The following IL1RAPL1 variants were observed in gnomAD, a reference collection of about 807,000 sequenced individuals.
The protein encoded by IL1RAPL1 is interleukin 1 receptor accessory protein like 1.
A neutral mutation model predicts 48.4 loss-of-function variants in IL1RAPL1; 3 were observed. The ratio of observed to expected loss-of-function variants is 0.06; its 90% CI spans 0.03 to 0.16. The LOEUF is 0.16. IL1RAPL1 is among the 10% of genes least tolerant of loss of function. The pLI, the probability that IL1RAPL1 is intolerant of heterozygous loss-of-function variation, is 1.00. For synonymous variants in IL1RAPL1, 185 were observed against 187.7 expected (o/e 0.99, Z 0.12); for missense variants, 349 against 530.6 (o/e 0.66, Z 3.36).
chrX:29,487,562 G>T (rs1486416820), intron 5 of IL1RAPL1, among the ~76,000 whole-genome samples: 1 of 112,073 alleles, frequency 8.9e-6, no homozygotes, highest in Non-Finnish European at 1.9e-5. Context: ...GATACAAGCT[G>T]TTTGCAACCG....
chrX:29,482,942 G>A (rs1280467695), intron 5 of IL1RAPL1, among the ~76,000 whole-genome samples: 1 of 112,030 alleles, frequency 8.9e-6, no homozygotes, highest in African/African-American at 3.2e-5. Flanking sequence ...GGGTATTTGT[G>A]TTTACGTTAG....
At chrX:29,694,319 T>C (rs918647592) in intron 6 of IL1RAPL1, among the ~76,000 whole-genome samples, 49 of 112,105 alleles carry the variant, frequency 4.4e-4, no homozygotes, top group African/African-American at 1.4e-3. Flanking sequence ...TTTTATCCTT[T>C]ATTGTTAGAG....
chrX:29,063,855 G>C (rs947108618), intron 2 of IL1RAPL1, among the ~76,000 whole-genome samples: 1 of 112,074 alleles, frequency 8.9e-6, no homozygotes, highest in Non-Finnish European at 1.9e-5. Flanking sequence ...TATTTTAACA[G>C]GTAGTTGGAC....
chrX:28,916,567 G>A (rs766179270), intron 2 of IL1RAPL1, among the ~76,000 whole-genome samples: 2 of 112,411 alleles, frequency 1.8e-5, no homozygotes, highest in African/African-American at 6.5e-5. Context: ...TGCTAGAATT[G>A]TGTGTTTGAA....
intron 1 of IL1RAPL1, among the ~76,000 whole-genome samples, chrX:28,626,025 G>A (rs1402954641): frequency 9.0e-6 from 1 of 111,578 alleles, no homozygotes; most frequent in African/African-American, 3.3e-5. Context: ...CCATTCCATG[G>A]GGAAACATAC....
intron 5 of IL1RAPL1, among the ~76,000 whole-genome samples, chrX:29,573,812 C>G (rs1242668345): frequency 8.9e-6 from 1 of 111,746 alleles, no homozygotes; most frequent in African/African-American, 3.3e-5. Flanking sequence ...CTCTATTATC[C>G]TAGAAACTAG....
intron 2 of IL1RAPL1, among the ~76,000 whole-genome samples, chrX:29,091,107 A>G (rs1190938107): frequency 8.9e-6 from 1 of 112,459 alleles, no homozygotes; most frequent in African/African-American, 3.2e-5. Flanking sequence ...ATATAAACTT[A>G]TTAATGAACT....
intron 3 of IL1RAPL1, among the ~76,000 whole-genome samples, chrX:29,358,382 T>C (rs1040412663): frequency 4.5e-5 from 5 of 110,586 alleles, no homozygotes; most frequent in African/African-American, 9.9e-5. Flanking sequence ...TCTCTATCTC[T>C]GTCTCTGTCT....
Position 28,642,228 on chromosome X carries a change from C to T in IL1RAPL1, c.-25+54181C>T, listed in dbSNP as rs1934553618. Among the ~76,000 whole-genome samples, 5 of 110,944 alleles carry T rather than the reference C, an allele frequency of 4.5e-5. No individual in the cohort carries two copies. In the South Asian group the frequency reaches 1.2e-3, roughly 26 times the overall value. ...AATAGTAGTGGGAGACTTTAACACC[C>T]CACTGTCAATATTAGACAGATCATC... On this transcript the variant is annotated intron_variant, in intron 1 of 10. Coordinates refer to ENST00000378993, the MANE Select transcript of IL1RAPL1 (RefSeq NM_014271.4).
chrX:29,215,551 A>G (rs1195918803), intron 2 of IL1RAPL1, among the ~76,000 whole-genome samples: 1 of 111,040 alleles, frequency 9.0e-6, no homozygotes, highest in Non-Finnish European at 1.9e-5. Flanking sequence ...CATCCCATAA[A>G]GTATAGAGAG....
At chrX:28,986,384 A>C (rs1250399169) in intron 2 of IL1RAPL1, among the ~76,000 whole-genome samples, 1 of 112,487 alleles carries the variant, frequency 8.9e-6, no homozygotes, top group Non-Finnish European at 1.9e-5. Context: ...TTTCCCCAAA[A>C]GTGTTATTTC....
At chrX:29,144,743 T>C (rs1315855966) in intron 2 of IL1RAPL1, among the ~76,000 whole-genome samples, 1 of 107,133 alleles carries the variant, frequency 9.3e-6, no homozygotes, top group Non-Finnish European at 1.9e-5. Context: ...TTTTTTTTTT[T>C]TGAGATGGAG....
At chrX:29,023,032 A>G (rs1210793864) in intron 2 of IL1RAPL1, among the ~76,000 whole-genome samples, 1 of 112,222 alleles carries the variant, frequency 8.9e-6, no homozygotes, top group Non-Finnish European at 1.9e-5. Context: ...GTTACTAAAA[A>G]TTACAGCTGA....
chrX:29,390,154 CTT>C (rs35299154), intron 3 of IL1RAPL1, among the ~76,000 whole-genome samples: 102 of 112,138 alleles, frequency 9.1e-4, no homozygotes, highest in Non-Finnish European at 1.7e-3. Context: ...AACCTTGACA[CTT>C]TTTGATTCCT....
rs766771111 is a variant in IL1RAPL1 at position 29,697,665 on chromosome X, G to A, written c.778+29161G>A. Reference sequence around the variant, plus strand: ...AGTGGTATTTAAAGTCCTCCTTACAGTTATCAAGTCTGGAACTGGTGGAGC... The same window carrying A: ...AGTGGTATTTAAAGTCCTCCTTACAATTATCAAGTCTGGAACTGGTGGAGC... On this transcript the variant is annotated intron_variant, in intron 6 of 10. Transcript: ENST00000378993. Among the ~76,000 whole-genome samples, 16 of 112,400 alleles carry A rather than the reference G, an allele frequency of 1.4e-4. No individual in the cohort carries two copies. The East Asian group carries it at 4.5e-3, about 31-fold the overall frequency.
chrX:29,448,849 A>G (rs1402319337), intron 5 of IL1RAPL1, among the ~76,000 whole-genome samples: 5 of 111,543 alleles, frequency 4.5e-5, no homozygotes, highest in African/African-American at 1.6e-4. Flanking sequence ...GTTCCTTGTG[A>G]GGGCTGGCTT....
At chrX:28,825,201 A>T (rs928557683) in intron 2 of IL1RAPL1, among the ~76,000 whole-genome samples, 26 of 111,943 alleles carry the variant, frequency 2.3e-4, no homozygotes, top group Non-Finnish European at 4.5e-4. Flanking sequence ...ATACAGCAGG[A>T]TAATTCTTTA....
intron 6 of IL1RAPL1, among the ~76,000 whole-genome samples, chrX:29,745,431 G>GGTT (rs1928306485): frequency 4.0e-5 from 1 of 24,740 alleles, no homozygotes; most frequent in Non-Finnish European, 6.7e-5. Context: ...AGTTTTTTGT[G>GGTT]TTTTTTTTTT....
chrX:29,555,958 G>A (rs1386452913), intron 5 of IL1RAPL1, among the ~76,000 whole-genome samples: 2 of 112,200 alleles, frequency 1.8e-5, no homozygotes, highest in South Asian at 3.7e-4. Flanking sequence ...CAGAGACCTT[G>A]CTTGGCTAAA....
Sources: allele counts gnomAD v4.1 joint callset (sites outside exome capture counted in the v4.1 genomes callset), GRCh38; gene constraint gnomAD v4.1.1; transcripts MANE v1.5; gene names NCBI Gene and HGNC (gene_info 2026-07-23, HGNC 2026-07-21).